Variants in NCAPD3 observed in about 807,000 individuals in gnomAD.
The protein encoded by NCAPD3 is condensin-2 complex subunit D3.
Under a neutral mutation model 182.9 loss-of-function variants are expected in NCAPD3, and 105 were observed. The ratio of observed to expected loss-of-function variants is 0.57; its 90% CI spans 0.49 to 0.68. The LOEUF is 0.68. NCAPD3 is among the 30% of genes least tolerant of loss of function. The pLI is 0.00. For missense variants in NCAPD3, 1,944 were observed against 1,837.0 expected, an observed-to-expected ratio of 1.06 and a Z score of -1.07; for synonymous variants, 815 against 679.9, an observed-to-expected ratio of 1.20 and a Z score of -3.09.
At position 134,204,450 on chromosome 11, in the gene NCAPD3, T is replaced by C. The variant is rs1178781554; in HGVS notation, c.1090-279A>G. On this transcript the variant is annotated intron_variant, in intron 9 of 34. Transcript: ENST00000534548. The surrounding 1 kb of genome is among the most constrained non-coding windows in gnomAD (Gnocchi z 4.3). ...TCATAAGGTTCAAATTAAGAATCAT[T>C]TGTCTAAATGGTTATAAAAATGTAG... Among the ~76,000 whole-genome samples, 1 of 152,228 alleles carries C rather than the reference T, an allele frequency of 6.6e-6. No individual in the cohort carries two copies. The highest frequency in any genetic ancestry group is 1.5e-5 in the Non-Finnish European group (1 of 68,038).
chr11:134,153,718 C>T (rs985690765), intron 32 of NCAPD3: 13 of 338,816 alleles, frequency 3.8e-5, no homozygotes, highest in African/African-American at 2.5e-4. Context: ...CCCAGATTCC[C>T]TGAGGACACT....
At chr11:134,224,272 G>A (rs1362056690), upstream of NCAPD3, 2 of 394,384 alleles carry the variant, frequency 5.1e-6, no homozygotes, top group South Asian at 6.0e-5. Context: ...GGGTACTTCC[G>A]GTAGTAACTG....
intron 13 of NCAPD3, among the ~76,000 whole-genome samples, chr11:134,199,505 GAGTTTTGA>G (rs1352299546): frequency 4.3e-4 from 58 of 134,922 alleles, no homozygotes; most frequent in African/African-American, 2.1e-3. Flanking sequence ...ACCATACTTT[GAGTTTTGA>G]ATTCTGCTCA....
At chr11:134,205,734 T>A (rs1423119437) in intron 8 of NCAPD3, among the ~76,000 whole-genome samples, 1 of 152,212 alleles carries the variant, frequency 6.6e-6, no homozygotes, top group African/African-American at 2.4e-5. Flanking sequence ...TGTTTATCTG[T>A]AACATTACAT....
intron 34 of NCAPD3, 37 bp from the exon 35 acceptor site, chr11:134,153,089 G>A (rs1591815384): frequency 6.2e-7 from 1 of 1,612,426 alleles, no homozygotes; most frequent in Non-Finnish European, 8.5e-7. Flanking sequence ...CTGGAACTCA[G>A]AAAAACCCTG....
chr11:134,222,011 C>G (rs1938249605), intron 1 of NCAPD3, among the ~76,000 whole-genome samples: 1 of 152,216 alleles, frequency 6.6e-6, no homozygotes, highest in South Asian at 2.1e-4. Context: ...CTCACTCCTT[C>G]TTTTGGTTTT....
In NCAPD3 at chr11:134,212,410, T is replaced by TGTGTGTGTGTGTG. The variant is rs1565556933; in HGVS notation, c.383-1957_383-1956insCACACACACACAC. On this transcript the variant is annotated intron_variant, in intron 3 of 34. Transcript: ENST00000534548. Reference sequence around the variant, plus strand: ...GTGTGTGTGTGTGTGTGTGTGTGTGTTCCACTGGAGTCTGGATCTGTTGCC... The same window carrying TGTGTGTGTGTGTG: ...GTGTGTGTGTGTGTGTGTGTGTGTGTGTGTGTGTGTGTGTCCACTGGAGTCTGGATCTGTTGCC... Among the ~76,000 whole-genome samples, 12 of 151,594 alleles carry TGTGTGTGTGTGTG rather than the reference T, an allele frequency of 7.9e-5. No individual in the cohort carries two copies. In the East Asian group the frequency reaches 9.7e-4, roughly 12 times the overall value.
intron 20 of NCAPD3, among the ~76,000 whole-genome samples, chr11:134,179,679 T>C (rs1457368552): frequency 6.6e-6 from 1 of 152,202 alleles, no homozygotes; most frequent in Non-Finnish European, 1.5e-5. Flanking sequence ...CTCCAGATTA[T>C]TTTTCTATGT....
intron 27 of NCAPD3, among the ~76,000 whole-genome samples, chr11:134,165,308 C>A (rs896726839): frequency 6.7e-6 from 1 of 150,288 alleles, no homozygotes; most frequent in Non-Finnish European, 1.5e-5. Flanking sequence ...GGAAGCTGCA[C>A]ACTCACTTGT....
chr11:134,221,885 A>T (rs925510270), intron 1 of NCAPD3, among the ~76,000 whole-genome samples: 2 of 152,212 alleles, frequency 1.3e-5, no homozygotes, highest in African/African-American at 4.8e-5. Context: ...TATGCACAGC[A>T]TTCCTTCCAA....
At chr11:134,167,725 C>G (rs1445677324) in intron 27 of NCAPD3, among the ~76,000 whole-genome samples, 1 of 120,084 alleles carries the variant, frequency 8.3e-6, no homozygotes, top group Non-Finnish European at 1.7e-5. Flanking sequence ...TTGGGGGAGG[C>G]GCACACTCGT....
At chr11:134,178,393 C>T in intron 22 of NCAPD3, 2 of 346,822 alleles carry the variant, frequency 5.8e-6, no homozygotes, top group East Asian at 8.6e-5. Context: ...ACAAAAGCTC[C>T]CTCTAGACCC....
In NCAPD3 at chr11:134,153,414, G is replaced by T. The variant is rs1167062571; in HGVS notation, c.4253-51C>A. On this transcript the variant is annotated intron_variant, in intron 32 of 34. Coordinates refer to ENST00000534548, the MANE Select transcript of NCAPD3 (RefSeq NM_015261.3). The stretch of plus-strand genomic sequence containing the variant: ...GTGAAAGCCGCGTGGTCTATCGGAG[G>T]TCTCTGTTCTAGTTGTCCGTGGGAC... The T allele has an allele frequency of 1.9e-6, 3 of 1,578,786 alleles. No homozygotes were observed. In the East Asian group the frequency reaches 6.7e-5, roughly 35 times the overall value.
chr11:134,172,642 T>G (rs1022546303), intron 24 of NCAPD3, among the ~76,000 whole-genome samples: 1 of 152,190 alleles, frequency 6.6e-6, no homozygotes, highest in Non-Finnish European at 1.5e-5. Flanking sequence ...TGCTTAGTAC[T>G]TGGCTGTTGC....
chr11:134,178,701 C>T lies in NCAPD3; in HGVS notation c.2715G>A (p.Gln905=), dbSNP rs1944225852. ...CAGAACCTCTGACCTGGGGGGGTGG[C>T]TGAGACGCTGGGGCCTCACTGCTGC... ...SQGSSEAPAS[Q]PPPQVRGSVM... is the part of the protein sequence containing the mutation. The change falls in exon 22 of 35, where the codon CAG becomes CAA. Residue 905 remains glutamine (Q), a synonymous_variant. Coordinates refer to ENST00000534548, the MANE Select transcript of NCAPD3 (RefSeq NM_015261.3). 1 of 1,602,508 alleles carries T rather than the reference C, an allele frequency of 6.2e-7. No homozygotes were observed. Among genetic ancestry groups the T allele is most frequent in the Non-Finnish European group, 8.5e-7 (1 of 1,172,968 alleles).
In NCAPD3 at chr11:134,192,750, C is replaced by T. The variant is rs35935780; in HGVS notation, c.1984G>A (p.Asp662Asn). 1.5e-3 allele frequency: 2,392 copies of T among 1,614,208 alleles called. 32 individuals are homozygous for T. The African/African-American group carries it at 0.029, about 20-fold the overall frequency. ...AGCGCCCAGGCGAGGACCTGGCTGTCGTCCCCAGAGTGAAAATGACTGTGA... is the reference window on the plus strand; with the variant it reads ...AGCGCCCAGGCGAGGACCTGGCTGTTGTCCCCAGAGTGAAAATGACTGTGA... ...RHHSHFHSGD[D>N]SQVLAWALLT... Residue 662 changes from aspartate (D) to asparagine (N), a missense_variant, in exon 16 of 35, where the codon GAC (aspartate) becomes AAC (asparagine). Physicochemically the swap from Asp to Asn is conservative, Grantham distance 23. Transcript: ENST00000534548.
chr11:134,160,072 C>T lies in NCAPD3; in HGVS notation c.3687G>A (p.Glu1229=). The stretch of plus-strand genomic sequence containing the variant: ...GCTCATCTCGGTAATCCTGCATCAC[C>T]TCCTGAAACAGAGCCAGGAGCATCC... ...ALRELMHYLR[E]VMQDYRDELK... is the part of the protein sequence containing the mutation. Residue 1229 remains glutamate (E), a splice_region_variant and synonymous_variant, in exon 29 of 35, where the codon GAG becomes GAA. Coordinates refer to ENST00000534548, the MANE Select transcript of NCAPD3 (RefSeq NM_015261.3). 6.2e-7 allele frequency: 1 copy of T among 1,613,704 alleles called. No homozygotes were observed. Among genetic ancestry groups the T allele is most frequent in the Non-Finnish European group, 8.5e-7 (1 of 1,179,828 alleles).
chr11:134,158,553 G>GAT, intron 29 of NCAPD3, 58 bp from the exon 30 acceptor site: 22 of 1,534,574 alleles, frequency 1.4e-5, no homozygotes, highest in Non-Finnish European at 2.0e-5. Context: ...TTCAAAAACG[G>GAT]ATATATGATA....
In NCAPD3 at chr11:134,158,037, C is replaced by G; in HGVS notation, c.4065G>C (p.Leu1355=). 1 of 1,614,188 alleles carries G rather than the reference C, an allele frequency of 6.2e-7. No homozygotes were observed. Among genetic ancestry groups the G allele is most frequent in the Non-Finnish European group, 8.5e-7 (1 of 1,180,038 alleles). The change falls in exon 31 of 35, where the codon CTG becomes CTC. Residue 1355 remains leucine, a synonymous_variant. Transcript: ENST00000534548. ...RPMSLSTIAI[L]NSVKKAVESK... ...ACTCCACGGCTTTCTTGACAGAATTCAGGATTGCAATGGTGCTCAGGGACA... is the reference window on the plus strand; with the variant it reads ...ACTCCACGGCTTTCTTGACAGAATTGAGGATTGCAATGGTGCTCAGGGACA...
Sources: gnomAD v4.1 joint callset for allele counts (sites outside exome capture counted in the v4.1 genomes callset) on GRCh38, gnomAD v4.1.1 for gene constraint, Gnocchi (gnomAD v3.1) non-coding constraint, MANE v1.5 for transcripts, NCBI Gene and HGNC (gene_info 2026-07-23, HGNC 2026-07-21) for gene names.